The following LEPR variants were observed in gnomAD, a reference collection of about 807,000 sequenced individuals.
The protein encoded by LEPR is OB receptor.
A neutral mutation model predicts 114.7 loss-of-function variants in LEPR; 56 were observed. That is an observed-to-expected ratio of 0.49 (90% confidence interval 0.39 to 0.61). The LOEUF (loss-of-function observed/expected upper bound fraction) is 0.61, where lower values mean the gene tolerates loss of function less well. Among genes scored for constraint, LEPR ranks in the 20% least tolerant of loss-of-function variants. The pLI is 0.00. For synonymous variants in LEPR, 443 were observed against 461.4 expected (o/e 0.96, Z 0.51); for missense variants, 1,202 against 1,352.9 (o/e 0.89, Z 1.75).
rs752069435 is a variant in LEPR, at chr1:65,618,074, A to G, written c.2323A>G (p.Lys775Glu). 6.2e-7 allele frequency: 1 copy of G among 1,612,186 alleles called. No individual in the cohort carries two copies. Among genetic ancestry groups the G allele is most frequent in the Non-Finnish European group, 8.5e-7 (1 of 1,179,296 alleles). ...YKLMYFIIEW[K>E]NLNEDGEIKW... ...GCTAATGTATTTTATTATTGAGTGG[A>G]AAAATCTTAATGAAGATGGTGAAAT... Residue 775 changes from lysine (K) to glutamate (E), a missense_variant, in exon 16 of 20, where the codon AAA becomes GAA. By Grantham distance (56) the Lys-to-Glu change is moderately conservative. Coordinates refer to ENST00000349533, the MANE Select transcript of LEPR (RefSeq NM_002303.6).
At chr1:65,615,374 T>C (rs1570823922) in intron 14 of LEPR, among the ~76,000 whole-genome samples, 1 of 152,338 alleles carries the variant, frequency 6.6e-6, no homozygotes, top group East Asian at 1.9e-4. Context: ...TTATTTTACA[T>C]TCGGATCTTT....
At chr1:65,437,190 CTT>C (rs1288823587) in intron 2 of LEPR, among the ~76,000 whole-genome samples, 1 of 152,106 alleles carries the variant, frequency 6.6e-6, no homozygotes, top group Admixed American at 6.6e-5. Flanking sequence ...GGCAGTGAGT[CTT>C]AGGCTTGATT....
chr1:65,557,730 T>C (rs553907707), intron 2 of LEPR, among the ~76,000 whole-genome samples: 1 of 152,314 alleles, frequency 6.6e-6, no homozygotes, highest in East Asian at 1.9e-4. Context: ...TCTTTTTCTG[T>C]ATTATTTGTG....
chr1:65,582,066 C>T (rs958281380), intron 5 of LEPR, among the ~76,000 whole-genome samples: 7 of 152,132 alleles, frequency 4.6e-5, no homozygotes, highest in African/African-American at 7.2e-5. Flanking sequence ...TCTGTCTGTC[C>T]GCTGGTTCCA....
chr1:65,595,741 T>C (rs1479350156), intron 6 of LEPR, among the ~76,000 whole-genome samples: 1 of 152,236 alleles, frequency 6.6e-6, no homozygotes, highest in East Asian at 1.9e-4. Context: ...ACCTTGCTAA[T>C]ATAGAGATGA....
chr1:65,455,952 C>A (rs1053303400), intron 2 of LEPR, among the ~76,000 whole-genome samples: 4 of 152,154 alleles, frequency 2.6e-5, no homozygotes, highest in Non-Finnish European at 4.4e-5. Context: ...GGCATAGGAC[C>A]CTCCGAGCCA....
At chr1:65,511,427 TATAC>T (rs1649028812) in intron 2 of LEPR, among the ~76,000 whole-genome samples, 2 of 112,186 alleles carry the variant, frequency 1.8e-5, no homozygotes, top group Admixed American at 1.0e-4. Flanking sequence ...TATATATATG[TATAC>T]ACACACACAC....
chr1:65,507,512 C>CATATATATGTGTAT (rs1648809617), intron 2 of LEPR, among the ~76,000 whole-genome samples: 23 of 113,124 alleles, frequency 2.0e-4, no homozygotes, highest in African/African-American at 7.1e-4. Flanking sequence ...TATATATATA[C>CATATATATGTGTAT]ATATATATGT....
At position 65,633,062 on chromosome 1, in the gene LEPR, C is replaced by A. The variant is rs111948489; in HGVS notation, c.2674-3129C>A. ...AAAAATTTATAGTCCAGAACCCATG[C>A]TTGACAATGTTTTTTGAAATCTTTT... is the stretch of plus-strand genomic sequence containing the variant. On this transcript the variant is annotated intron_variant, in intron 19 of 19. Coordinates refer to ENST00000349533, the MANE Select transcript of LEPR (RefSeq NM_002303.6). The surrounding 1 kb of genome is among the most constrained non-coding windows in gnomAD (Gnocchi z 4.1). The A allele has an allele frequency of 6.7e-3, 7,000 of 1,051,648 alleles. 321 individuals carry two copies. In the African/African-American group the frequency reaches 0.098, roughly 15 times the overall value. The allele number at this position is 1,051,648 out of a possible 1,614,324, so 65.1% of individuals were successfully genotyped here.
At chr1:65,607,230 G>T (rs1426024674) in intron 11 of LEPR, among the ~76,000 whole-genome samples, 1 of 152,164 alleles carries the variant, frequency 6.6e-6, no homozygotes, top group African/African-American at 2.4e-5. Context: ...TGGTTGGATG[G>T]TTTCATACAT....
At chr1:65,449,340 A>G (rs942295470) in intron 2 of LEPR, among the ~76,000 whole-genome samples, 3 of 148,108 alleles carry the variant, frequency 2.0e-5, no homozygotes, top group Non-Finnish European at 3.0e-5. Flanking sequence ...AGAGTGCCTC[A>G]GGCAGTGAAC....
chr1:65,570,711 TGAGCAAG>T lies in LEPR; in HGVS notation c.280_286del (p.Glu94IlefsTer20). 6.2e-7 allele frequency: 1 copy of T among 1,612,926 alleles called. No homozygotes were observed. The highest frequency in any genetic ancestry group is 8.5e-7 in the Non-Finnish European group (1 of 1,179,108). On this transcript the variant is annotated frameshift_variant, in exon 4 of 20. Transcript: ENST00000349533. LOFTEE classifies it high-confidence loss of function. The stretch of plus-strand genomic sequence containing the variant: ...CAACTTTCCACTGTTGCTTTCGGAG[TGAGCAAG>T]ATAGAAACTGCTCCTTATGTGCAGA...
chr1:65,469,262 G>T (rs1198638972), intron 2 of LEPR, among the ~76,000 whole-genome samples: 1 of 152,198 alleles, frequency 6.6e-6, no homozygotes, highest in East Asian at 1.9e-4. Flanking sequence ...GAGCTGTGAT[G>T]AGATCATTCT....
Position 65,636,971 on chromosome 1 carries a change from A to C in LEPR, c.3454A>C (p.Thr1152Pro). 6.2e-7 allele frequency: 1 copy of C among 1,613,260 alleles called. No homozygotes were observed. Among genetic ancestry groups the C allele is most frequent in the Non-Finnish European group, 8.5e-7 (1 of 1,179,788 alleles). Residue 1152 changes from threonine to proline, a missense_variant, in exon 20 of 20, where the codon ACT becomes CCT. Thr to Pro is a conservative substitution (Grantham distance 38). Transcript: ENST00000349533. ...MPQFQTCSTQ[T>P]HKIMENKMCD... ...TCAATTCCAAACTTGTTCTACTCAG[A>C]CTCATAAGATCATGGAAAACAAGAT...
At chr1:65,432,701 C>G in intron 2 of LEPR, 12 of 914,636 alleles carry the variant, frequency 1.3e-5, no homozygotes, top group Non-Finnish European at 1.6e-5. Flanking sequence ...GGTACAAAGC[C>G]TCAGTTAGGA....
At chr1:65,590,615 T>A (rs990295089) in intron 5 of LEPR, among the ~76,000 whole-genome samples, 2 of 152,026 alleles carry the variant, frequency 1.3e-5, no homozygotes, top group Non-Finnish European at 2.9e-5. Flanking sequence ...ACCATGATTC[T>A]AAGTTTCCTG....
chr1:65,548,560 T>C (rs1156547537), intron 2 of LEPR, among the ~76,000 whole-genome samples: 1 of 152,216 alleles, frequency 6.6e-6, no homozygotes, highest in African/African-American at 2.4e-5. Context: ...TACCATTATG[T>C]AATGGCCTTC....
Position 65,619,491 on chromosome 1 carries a change from C to A in LEPR, c.2396-437C>A, listed in dbSNP as rs143704335. Among the ~76,000 whole-genome samples, 183 of 152,178 alleles carry A rather than the reference C, an allele frequency of 1.2e-3. 1 individual carries two copies. Among genetic ancestry groups the A allele is most frequent in the African/African-American group, 4.1e-3 (171 of 41,522 alleles). On this transcript the variant is annotated intron_variant, in intron 16 of 19. Transcript: ENST00000349533. ...GCATAGGATTTCACAAGACTTTAGT[C>A]TCCCAGCTACCTTGAATGGAATGGG... is the stretch of plus-strand genomic sequence containing the variant.
At chr1:65,613,776 A>AC (rs993788605) in intron 14 of LEPR, among the ~76,000 whole-genome samples, 1 of 151,036 alleles carries the variant, frequency 6.6e-6, no homozygotes, top group African/African-American at 2.4e-5. Flanking sequence ...AAAAAAAAAA[A>AC]AAAAAACCAA....
Sources: gnomAD v4.1 joint callset for allele counts (sites outside exome capture counted in the v4.1 genomes callset) on GRCh38, gnomAD v4.1.1 for gene constraint, Gnocchi (gnomAD v3.1) non-coding constraint, MANE v1.5 for transcripts, NCBI Gene and HGNC (gene_info 2026-07-23, HGNC 2026-07-21) for gene names.